MCTP1: variants seen among roughly 807,000 people sequenced by gnomAD.
The protein encoded by MCTP1 is multiple C2 and transmembrane domain-containing protein 1.
In MCTP1, 69 loss-of-function variants were observed where a neutral mutation model predicts 120.6. The observed-to-expected ratio is 0.57, with a 90% CI of 0.47 to 0.70. The LOEUF (loss-of-function observed/expected upper bound fraction) is 0.70. Ranked by LOEUF, MCTP1 falls within the 30% of genes least tolerant of loss-of-function variation. The probability of loss-of-function intolerance (pLI) is 0.00; values close to 1 mark genes in which losing one functional copy is unlikely to be tolerated. For missense variants in MCTP1, 1,203 were observed against 1,248.8 expected, an observed-to-expected ratio of 0.96 and a Z score of 0.55; for synonymous variants, 529 against 493.1, an observed-to-expected ratio of 1.07 and a Z score of -0.96.
chr5:94,821,239 T>C lies in MCTP1; in HGVS notation c.2437-22107A>G, dbSNP rs1785580700. On this transcript the variant is annotated intron_variant, in intron 17 of 22. Transcript: ENST00000515393. ...TGGAGATTTTGTTCACATTATACAG[T>C]GTCAGCTTTATAAAGGCTCTTGAAT... Among the ~76,000 whole-genome samples, 3 of 152,196 alleles carry C rather than the reference T, an allele frequency of 2.0e-5. No homozygotes were observed. In the South Asian group the frequency reaches 6.2e-4, roughly 32 times the overall value.
At chr5:94,870,222 C>T (rs901084719) in intron 16 of MCTP1, among the ~76,000 whole-genome samples, 195 bp downstream of exon 16, 1 of 152,014 alleles carries the variant, frequency 6.6e-6, no homozygotes, top group African/African-American at 2.4e-5. Context: ...TGGTATTGTC[C>T]TCGTTTGATC....
intron 10 of MCTP1, among the ~76,000 whole-genome samples, chr5:94,905,830 G>T (rs1806732468): frequency 6.6e-6 from 1 of 152,162 alleles, no homozygotes; most frequent in Admixed American, 6.5e-5. Flanking sequence ...GGACTCTTGT[G>T]AATCAATGAA....
intron 2 of MCTP1, among the ~76,000 whole-genome samples, chr5:94,970,384 T>C (rs913149738): frequency 2.0e-5 from 3 of 152,082 alleles, no homozygotes; most frequent in Admixed American, 6.6e-5. Flanking sequence ...TACTTATTCA[T>C]ATAACTTATT....
chr5:94,878,746 T>C (rs1799444980), intron 12 of MCTP1, among the ~76,000 whole-genome samples: 1 of 152,066 alleles, frequency 6.6e-6, no homozygotes, highest in Admixed American at 6.6e-5. Flanking sequence ...GTCTTCAAAT[T>C]TACTTATAGT....
At chr5:94,939,090 C>G (rs948678072) in intron 5 of MCTP1, among the ~76,000 whole-genome samples, 5 of 151,968 alleles carry the variant, frequency 3.3e-5, no homozygotes, top group Non-Finnish European at 5.9e-5. Context: ...ATGTGTTCAT[C>G]ATTAAATTTC....
intron 1 of MCTP1, among the ~76,000 whole-genome samples, chr5:95,109,186 C>A (rs755322705): frequency 3.2e-4 from 49 of 152,146 alleles, no homozygotes; most frequent in Non-Finnish European, 5.7e-4. Context: ...TCAACACAGA[C>A]TTGACCATTT....
intron 19 of MCTP1, among the ~76,000 whole-genome samples, chr5:94,760,111 T>C (rs1227697543): frequency 6.6e-6 from 1 of 152,032 alleles, no homozygotes; most frequent in African/African-American, 2.4e-5. Flanking sequence ...TATCTAGAGA[T>C]AAGCCAACCT....
intron 6 of MCTP1, among the ~76,000 whole-genome samples, chr5:94,928,847 G>T (rs1211535024): frequency 6.6e-6 from 1 of 151,898 alleles, no homozygotes. Flanking sequence ...CCTCCAAAAA[G>T]AAAAAATAAG....
At chr5:94,835,124 G>A (rs763377021) in intron 17 of MCTP1, among the ~76,000 whole-genome samples, 2 of 152,052 alleles carry the variant, frequency 1.3e-5, no homozygotes, top group Non-Finnish European at 2.9e-5. Flanking sequence ...GCCCTATAAC[G>A]CATTCTCATT....
intron 19 of MCTP1, among the ~76,000 whole-genome samples, chr5:94,743,935 G>A (rs918648359): frequency 6.6e-6 from 1 of 151,266 alleles, no homozygotes; most frequent in African/African-American, 2.4e-5. Context: ...CACTGTGCCC[G>A]GCCAAAATCC....
At chr5:94,872,358 G>A (rs1047406336) in intron 13 of MCTP1, among the ~76,000 whole-genome samples, 8 of 152,144 alleles carry the variant, frequency 5.3e-5, no homozygotes, top group African/African-American at 1.9e-4. Flanking sequence ...TTATAAAAAT[G>A]TGGAATTCCT....
chr5:94,976,225 G>A (rs1828065298), intron 2 of MCTP1, among the ~76,000 whole-genome samples: 1 of 152,106 alleles, frequency 6.6e-6, no homozygotes, highest in African/African-American at 2.4e-5. Context: ...GGCATTCACT[G>A]TAATTCCTAA....
chr5:94,772,530 C>A (rs1310218331), intron 19 of MCTP1, among the ~76,000 whole-genome samples: 1 of 152,180 alleles, frequency 6.6e-6, no homozygotes, highest in Non-Finnish European at 1.5e-5. Context: ...ACCCTTCATC[C>A]TATCTGCTAC....
At chr5:95,017,262 T>G in intron 2 of MCTP1, 105 bp downstream of exon 2, 1 of 594,036 alleles carries the variant, frequency 1.7e-6, no homozygotes, top group Non-Finnish European at 2.9e-6. Flanking sequence ...CTTCTAAAAA[T>G]TATATTCTAG....
intron 19 of MCTP1, among the ~76,000 whole-genome samples, chr5:94,740,436 G>A (rs968906669): frequency 2.6e-5 from 4 of 152,112 alleles, no homozygotes; most frequent in Non-Finnish European, 4.4e-5. Flanking sequence ...TATTAAAGTC[G>A]AGTTTAAGCC....
chr5:95,106,336 G>A (rs1323276757), intron 1 of MCTP1, among the ~76,000 whole-genome samples: 1 of 152,218 alleles, frequency 6.6e-6, no homozygotes, highest in Non-Finnish European at 1.5e-5. Flanking sequence ...AGCTGACAGG[G>A]CAACAGAAGT....
At chr5:95,081,481 A>G (rs1256018270) in intron 1 of MCTP1, 5 of 1,611,340 alleles carry the variant, frequency 3.1e-6, no homozygotes, top group African/African-American at 2.7e-5. Flanking sequence ...GCTGTCTAGC[A>G]TAGTTGATTA....
intron 1 of MCTP1, among the ~76,000 whole-genome samples, chr5:95,276,629 T>C (rs1290087394): frequency 6.7e-6 from 1 of 149,868 alleles, no homozygotes; most frequent in African/African-American, 2.5e-5. Flanking sequence ...ATAATGGGCT[T>C]GGGATGCAGA....
intron 1 of MCTP1, among the ~76,000 whole-genome samples, chr5:95,265,378 G>A (rs1758802063): frequency 1.3e-5 from 2 of 152,306 alleles, no homozygotes; most frequent in Admixed American, 1.3e-4. Flanking sequence ...TTTAAAGGAA[G>A]CAATCGTTTG....
Sources: gnomAD v4.1 joint callset for allele counts (sites outside exome capture counted in the v4.1 genomes callset) on GRCh38, gnomAD v4.1.1 for gene constraint, MANE v1.5 for transcripts, NCBI Gene and HGNC (gene_info 2026-07-23, HGNC 2026-07-21) for gene names.